The following WRN variants were observed in gnomAD, a reference collection of about 807,000 sequenced individuals.
WRN encodes bifunctional 3'-5' exonuclease/ATP-dependent helicase WRN.
WRN carries 149 observed loss-of-function variants against 180.7 expected under a neutral mutation model. That is an observed-to-expected ratio of 0.82 (90% confidence interval 0.72 to 0.94). WRN has a LOEUF of 0.94. Ranked by LOEUF, WRN falls within the 40% of genes least tolerant of loss-of-function variation. WRN has a pLI of 0.00. For missense variants in WRN, 1,661 were observed against 1,700.1 expected, an observed-to-expected ratio of 0.98 and a Z score of 0.40; for synonymous variants, 548 against 568.9, an observed-to-expected ratio of 0.96 and a Z score of 0.52.
intron 13 of WRN, 33 bp downstream of exon 13, chr8:31,088,998 T>C: frequency 6.3e-7 from 1 of 1,578,640 alleles, no homozygotes; most frequent in South Asian, 1.1e-5. Flanking sequence ...AAATCACATA[T>C]TTAGTATTCT....
In WRN at chr8:31,124,546, T is replaced by A. The variant is rs1368942610; in HGVS notation, c.2655T>A (p.Asn885Lys). The A allele has an allele frequency of 6.2e-7, 1 of 1,612,470 alleles. No homozygotes were observed. The highest frequency in any genetic ancestry group is 8.5e-7 in the Non-Finnish European group (1 of 1,178,862). The change falls in exon 22 of 35, where the codon AAT (asparagine) becomes AAA (lysine). Residue 885 changes from asparagine to lysine, a missense_variant. Asn to Lys is a moderately conservative substitution (Grantham distance 94). Transcript: ENST00000298139. Reference protein sequence around the residue: ...LNRHLLTEIRNEKFRLYKLKM... With the variant: ...LNRHLLTEIRKEKFRLYKLKM... ...GGCACCTTCTTACTGAGATACGTAA[T>A]GAGAAGTTTCGATTATACAAATTAA... is the stretch of plus-strand genomic sequence containing the variant.
chr8:31,082,358 G>C (rs950548201), intron 9 of WRN, among the ~76,000 whole-genome samples: 1 of 152,028 alleles, frequency 6.6e-6, no homozygotes, highest in Non-Finnish European at 1.5e-5. Context: ...TTTAGCATTT[G>C]AGCAATTCTC....
chr8:31,087,086 T>C (rs1813563672), intron 11 of WRN, among the ~76,000 whole-genome samples: 1 of 152,072 alleles, frequency 6.6e-6, no homozygotes. Flanking sequence ...ATGAAAATAT[T>C]AAATAAAAGA....
Position 31,176,113 on chromosome 8 carries a change from G to A in WRN, c.*3011G>A, listed in dbSNP as rs114222396. On this transcript the variant is annotated 3_prime_UTR_variant, in exon 35 of 35. Transcript: ENST00000298139. ...TTACTTCATATTGTTGGACATTAAA[G>A]TTGCTTTCAGTTTTTTTGTTTTAAA... is the stretch of plus-strand genomic sequence containing the variant. Among the ~76,000 whole-genome samples, 1,034 of 152,218 alleles carry A rather than the reference G, an allele frequency of 6.8e-3. 10 individuals carry two copies. The highest frequency in any genetic ancestry group is 0.024 in the African/African-American group (977 of 41,532).
chr8:31,079,512 A>G (rs1310605713), intron 8 of WRN, among the ~76,000 whole-genome samples: 1 of 152,180 alleles, frequency 6.6e-6, no homozygotes, highest in Non-Finnish European at 1.5e-5. Context: ...TAAACAAGAC[A>G]TTGTGCCTCA....
At chr8:31,167,707 C>T (rs991308719) in intron 34 of WRN, among the ~76,000 whole-genome samples, 1 of 151,954 alleles carries the variant, frequency 6.6e-6, no homozygotes, top group African/African-American at 2.4e-5. Context: ...AGTGCTTTTG[C>T]ATGATGAGAG....
At position 31,058,459 on chromosome 8, in the gene WRN, A is replaced by G. The variant is rs761784221; in HGVS notation, c.12A>G (p.Lys4=). The G allele has an allele frequency of 1.7e-5, 27 of 1,613,632 alleles. No individual in the cohort carries two copies. The South Asian group carries it at 2.9e-4, about 17-fold the overall frequency. MSE[K]KLETTAQQRK... Reference sequence around the variant, plus strand: ...AGGACATTTCAAAGATGAGTGAAAAAAAATTGGAAACAACTGCACAGCAGC... The same window carrying G: ...AGGACATTTCAAAGATGAGTGAAAAGAAATTGGAAACAACTGCACAGCAGC... Residue 4 remains lysine, a synonymous_variant, in exon 2 of 35, where the codon AAA becomes AAG. Transcript: ENST00000298139.
At chr8:31,098,032 A>C (rs1376398243) in intron 17 of WRN, among the ~76,000 whole-genome samples, 2 of 152,206 alleles carry the variant, frequency 1.3e-5, no homozygotes, top group African/African-American at 2.4e-5. Context: ...TTTTCCAACA[A>C]TGTAATGAAA....
In WRN at chr8:31,043,774, C is replaced by G. The variant is rs111599468; in HGVS notation, c.-77+9801C>G. Among the ~76,000 whole-genome samples the G allele has an allele frequency of 9.2e-3, 1,393 of 152,230 alleles. 17 individuals carry two copies. The highest frequency in any genetic ancestry group is 0.031 in the African/African-American group (1,302 of 41,520). On this transcript the variant is annotated intron_variant, in intron 1 of 34. Coordinates refer to ENST00000298139, the MANE Select transcript of WRN (RefSeq NM_000553.6). ...AGAAACAAACTATCGAGTATTGAAA[C>G]TCCCCCTTCATATGCCTGACCTCAG...
chr8:31,075,561 A>C (rs1226317553), intron 7 of WRN, among the ~76,000 whole-genome samples: 1 of 152,004 alleles, frequency 6.6e-6, no homozygotes, highest in Non-Finnish European at 1.5e-5. Flanking sequence ...AAATACAAAA[A>C]AAAAAAAAAT....
chr8:31,157,497 G>T lies in WRN; in HGVS notation c.3949G>T (p.Ala1317Ser). ...GLTPEVQKII[A>S]DVIRNPPVNS... ...GACTCCAGAGGTTCAGAAGATTATT[G>T]CTGATGTTATCCGAAACCCTCCCGT... Residue 1317 changes from alanine to serine, a missense_variant, in exon 33 of 35, where the codon GCT becomes TCT. Ala to Ser is a moderately conservative substitution (Grantham distance 99, BLOSUM62 1). Coordinates refer to ENST00000298139, the MANE Select transcript of WRN (RefSeq NM_000553.6). The T allele has an allele frequency of 6.2e-7, 1 of 1,614,094 alleles. No homozygotes were observed. Among genetic ancestry groups the T allele is most frequent in the South Asian group, 1.1e-5 (1 of 91,066 alleles).
intron 34 of WRN, among the ~76,000 whole-genome samples, chr8:31,169,698 A>G (rs1804030961): frequency 1.3e-5 from 2 of 152,138 alleles, no homozygotes; most frequent in Admixed American, 1.3e-4. Flanking sequence ...GTTTTTGTGT[A>G]ATGTCTAAAA....
chr8:31,046,506 A>G (rs1188490272), intron 1 of WRN, among the ~76,000 whole-genome samples: 1 of 152,180 alleles, frequency 6.6e-6, no homozygotes, highest in African/African-American at 2.4e-5. Flanking sequence ...AAGGAGAAAA[A>G]TGACCTTCCC....
At chr8:31,170,402 T>C (rs954195451) in intron 34 of WRN, among the ~76,000 whole-genome samples, 1 of 152,164 alleles carries the variant, frequency 6.6e-6, no homozygotes, top group African/African-American at 2.4e-5. Context: ...AAATACACAA[T>C]ATTTTATACA....
chr8:31,143,122 G>C lies in WRN; in HGVS notation c.3309+421G>C, dbSNP rs565863393. Among the ~76,000 whole-genome samples the C allele has an allele frequency of 1.0e-4, 15 of 148,558 alleles. No homozygotes were observed. In the South Asian group the frequency reaches 3.0e-3, roughly 30 times the overall value. ...ACTTATGTACTTTCTTGCTTTTTTT[G>C]ACCTAAGATCTTAGATAACTATTAC... On this transcript the variant is annotated intron_variant, in intron 27 of 34. Coordinates refer to ENST00000298139, the MANE Select transcript of WRN (RefSeq NM_000553.6).
At chr8:31,071,708 C>A (rs1004044222) in intron 7 of WRN, among the ~76,000 whole-genome samples, 2 of 152,154 alleles carry the variant, frequency 1.3e-5, no homozygotes, top group African/African-American at 4.8e-5. Context: ...TCTCGAACTC[C>A]TGGTCTCAAG....
Position 31,142,423 on chromosome 8 carries a change from A to G in WRN, c.3234-203A>G, listed in dbSNP as rs190768361. 2.1e-3 allele frequency among the ~76,000 whole-genome samples: 316 copies of G among 152,324 alleles called. 3 individuals are homozygous for G. The highest frequency in any genetic ancestry group is 7.2e-3 in the African/African-American group (301 of 41,572). ...GTTGCTTACTTTTTTGTACCTTTAC[A>G]TGTGATTGATCACTTGTGAGTTTTT... On this transcript the variant is annotated intron_variant, in intron 26 of 34. Coordinates refer to ENST00000298139, the MANE Select transcript of WRN (RefSeq NM_000553.6).
Position 31,100,866 on chromosome 8 carries a change from G to A in WRN, c.1999G>A (p.Val667Met), listed in dbSNP as rs748097536. 4 of 1,613,600 alleles carry A rather than the reference G, an allele frequency of 2.5e-6. No individual in the cohort carries two copies. The African/African-American group carries it at 5.4e-5, about 22-fold the overall frequency. The change falls in exon 18 of 35, where the codon GTG becomes ATG. Residue 667 changes from valine to methionine, a missense_variant. This residue lies in a region of WRN where 1,141 missense variants were observed against 1,149.4 expected (regional missense o/e 0.99). Coordinates refer to ENST00000298139, the MANE Select transcript of WRN (RefSeq NM_000553.6). ...TTTTACAGGTATCACGCTCATTGCT[G>A]TGGATGAGGCTCACTGTATTTCTGA... is the stretch of plus-strand genomic sequence containing the variant. ...EADIGITLIA[V>M]DEAHCISEWG...
chr8:31,049,266 C>T (rs1457117486), intron 1 of WRN, among the ~76,000 whole-genome samples: 7 of 145,972 alleles, frequency 4.8e-5, no homozygotes, highest in African/African-American at 1.3e-4. Flanking sequence ...CAAGGTAGCT[C>T]ACGCCTGTAA....
Sources: allele counts gnomAD v4.1 joint callset (sites outside exome capture counted in the v4.1 genomes callset), GRCh38; gene constraint gnomAD v4.1.1; regional missense constraint gnomAD v4.1.1; transcripts MANE v1.5; gene names NCBI Gene and HGNC (gene_info 2026-07-23, HGNC 2026-07-21).